The following PRKAA2 variants were observed in gnomAD, a reference collection of about 807,000 sequenced individuals.
PRKAA2 encodes the protein 5'-AMP-activated protein kinase catalytic subunit alpha-2.
In PRKAA2, 40 loss-of-function variants were observed where a neutral mutation model predicts 56.3. The observed-to-expected ratio is 0.71, with a 90% CI of 0.55 to 0.92. The LOEUF (loss-of-function observed/expected upper bound fraction) is 0.92. Ranked by LOEUF, PRKAA2 falls within the 40% of genes least tolerant of loss-of-function variation. The probability of loss-of-function intolerance (pLI) is 0.00; values close to 1 mark genes in which losing one functional copy is unlikely to be tolerated. For synonymous variants in PRKAA2, 214 were observed against 234.2 expected, an observed-to-expected ratio of 0.91 and a Z score of 0.79; for missense variants, 542 against 686.9, an observed-to-expected ratio of 0.79 and a Z score of 2.36.
chr1:56,687,578 C>T (rs1047740550), intron 2 of PRKAA2, among the ~76,000 whole-genome samples: 3 of 151,908 alleles, frequency 2.0e-5, no homozygotes, highest in African/African-American at 7.3e-5. Flanking sequence ...GCCTTTTTGT[C>T]TGAGTGATGG....
At position 56,707,407 on chromosome 1, in the gene PRKAA2, T is replaced by A. The variant is rs947517240; in HGVS notation, c.1421-68T>A. On this transcript the variant is annotated intron_variant, in intron 8 of 8. Transcript: ENST00000371244. The stretch of plus-strand genomic sequence containing the variant: ...TGTTTACTTAATATTCTGAATATCA[T>A]AAATTCATAGGAAGGGCTTGGGCAT... 8 of 1,299,914 alleles carry A rather than the reference T, an allele frequency of 6.2e-6. No individual in the cohort carries two copies. In the African/African-American group the frequency reaches 1.0e-4, roughly 17 times the overall value. 80.5% of individuals were successfully genotyped at this position (1,299,914 alleles called of 1,614,324 possible).
At chr1:56,692,599 C>T (rs1027456586) in intron 4 of PRKAA2, 97 bp downstream of exon 4, 18 of 1,246,474 alleles carry the variant, frequency 1.4e-5, no homozygotes, top group Non-Finnish European at 2.0e-5. Flanking sequence ...CTTGTACGTT[C>T]TGTACCATGA....
chr1:56,662,587 A>G (rs995348920), intron 1 of PRKAA2, among the ~76,000 whole-genome samples: 1 of 152,142 alleles, frequency 6.6e-6, no homozygotes, highest in Non-Finnish European at 1.5e-5. Flanking sequence ...ATGCCCGGCC[A>G]ACTTTATTTT....
chr1:56,688,003 G>A (rs928418112), intron 2 of PRKAA2, among the ~76,000 whole-genome samples: 1 of 152,018 alleles, frequency 6.6e-6, no homozygotes, highest in Admixed American at 6.6e-5. Flanking sequence ...GCTGTACTAG[G>A]AAAATAATAC....
intron 6 of PRKAA2, among the ~76,000 whole-genome samples, chr1:56,697,012 A>ATTTTTGTTTTTTTTTTT (rs1644262838): frequency 1.7e-5 from 1 of 57,870 alleles, no homozygotes; most frequent in Non-Finnish European, 3.0e-5. Context: ...CCAGCAAAGA[A>ATTTTTGTTTTTTTTTTT]TTTTTTTTTT....
At position 56,711,604 on chromosome 1, in the gene PRKAA2, C is replaced by T. The variant is rs1644369232; in HGVS notation, c.*3891C>T. The T allele has an allele frequency of 6.6e-6, 1 of 152,040 alleles. No homozygotes were observed. 9.4% of individuals were successfully genotyped at this position (152,040 alleles called of 1,614,324 possible). Reference sequence around the variant, plus strand: ...ATCTTGCATTTATTTACTTGGTTCTCCTGTGTCACCCTGTGGCTTTTTAAA... The same window carrying T: ...ATCTTGCATTTATTTACTTGGTTCTTCTGTGTCACCCTGTGGCTTTTTAAA... On this transcript the variant is annotated 3_prime_UTR_variant, in exon 9 of 9. Transcript: ENST00000371244.
At chr1:56,688,241 G>A (rs1411703157) in intron 2 of PRKAA2, among the ~76,000 whole-genome samples, 1 of 151,908 alleles carries the variant, frequency 6.6e-6, no homozygotes, top group East Asian at 1.9e-4. Context: ...GGGGACAAAG[G>A]GAAATTTTAT....
intron 1 of PRKAA2, among the ~76,000 whole-genome samples, chr1:56,658,722 C>T (rs114799249): frequency 0.032 from 4,840 of 151,540 alleles, 220 homozygotes; most frequent in African/African-American, 0.1. Context: ...AGTGATCCTC[C>T]GTGATCCTCC....
chr1:56,656,631 G>A (rs1341045627), intron 1 of PRKAA2, among the ~76,000 whole-genome samples: 1 of 152,140 alleles, frequency 6.6e-6, no homozygotes, highest in Non-Finnish European at 1.5e-5. Flanking sequence ...GCAAGAATGG[G>A]CTTATTTTAT....
At chr1:56,703,944 A>G (rs774726945) in intron 6 of PRKAA2, 27 bp from the exon 7 acceptor site, 22 of 1,563,924 alleles carry the variant, frequency 1.4e-5, no homozygotes, top group South Asian at 1.2e-4. Context: ...CATGTCTTAC[A>G]ATAATGTATT....
chr1:56,707,568 C>T lies in PRKAA2; in HGVS notation c.1514C>T (p.Thr505Ile). The T allele has an allele frequency of 1.2e-6, 2 of 1,614,136 alleles. No individual in the cohort carries two copies. Among genetic ancestry groups the T allele is most frequent in the East Asian group, 2.2e-5 (1 of 44,872 alleles). ...AGACCAAGATCAAGTTTTGATTCCA[C>T]AACTGCAGAGAGCCATTCACTTTCT... ...LHRPRSSFDS[T>I]TAESHSLSGS... The change falls in exon 9 of 9, where the codon ACA becomes ATA. Residue 505 changes from threonine (T) to isoleucine (I), a missense_variant. Physicochemically the swap from Thr to Ile is moderately conservative, Grantham distance 89. Transcript: ENST00000371244.
At position 56,656,500 on chromosome 1, in the gene PRKAA2, C is replaced by T. The variant is rs540395633; in HGVS notation, c.94+11019C>T. ...GACTACAAATGGACATGTTATACTCCCAAGAGACTACATTATTCACCATTT... is the reference window on the plus strand; with the variant it reads ...GACTACAAATGGACATGTTATACTCTCAAGAGACTACATTATTCACCATTT... On this transcript the variant is annotated intron_variant, in intron 1 of 8. Transcript: ENST00000371244. Among the ~76,000 whole-genome samples the T allele has an allele frequency of 2.6e-5, 4 of 152,202 alleles. No homozygotes were observed. In the South Asian group the frequency reaches 8.3e-4, roughly 32 times the overall value.
chr1:56,671,265 A>C (rs2100401627), intron 1 of PRKAA2, among the ~76,000 whole-genome samples: 1 of 152,322 alleles, frequency 6.6e-6, no homozygotes, highest in African/African-American at 2.4e-5. Flanking sequence ...TAGGCAAAAA[A>C]GGCTAAATCC....
At chr1:56,687,525 G>A (rs1485139427) in intron 2 of PRKAA2, among the ~76,000 whole-genome samples, 4 of 152,094 alleles carry the variant, frequency 2.6e-5, no homozygotes, top group South Asian at 2.1e-4. Context: ...TGGGGAAGGC[G>A]GATCCCTATA....
At chr1:56,655,280 A>ATATATATATTTTTTTTTTTTTTTTTTTTT in intron 1 of PRKAA2, among the ~76,000 whole-genome samples, 1 of 93,652 alleles carries the variant, frequency 1.1e-5, no homozygotes, top group African/African-American at 4.5e-5. Flanking sequence ...ATATATATAT[A>ATATATATATTTTTTTTTTTTTTTTTTTTT]TTTTTTTTTT....
chr1:56,695,721 A>G (rs1183968011), intron 5 of PRKAA2, among the ~76,000 whole-genome samples: 1 of 152,060 alleles, frequency 6.6e-6, no homozygotes, highest in African/African-American at 2.4e-5. Flanking sequence ...AAATAAAAAT[A>G]CCCTATTCAC....
rs1644346881 is a variant in PRKAA2 at position 56,708,398 on chromosome 1, G to T, written c.*685G>T. On this transcript the variant is annotated 3_prime_UTR_variant, in exon 9 of 9. Transcript: ENST00000371244. ...TCCCTGAATAATATATTTATCTTAA[G>T]AGCCTTCAAGTTTCAAATTAATATT... The T allele has an allele frequency of 6.6e-6, 1 of 152,130 alleles. No homozygotes were observed. Among genetic ancestry groups the T allele is most frequent in the South Asian group, 2.1e-4 (1 of 4,826 alleles). The allele number at this position is 152,130 out of a possible 1,614,324, so 9.4% of individuals were successfully genotyped here.
chr1:56,695,103 AC>A (rs1644249937), intron 5 of PRKAA2, among the ~76,000 whole-genome samples: 1 of 151,238 alleles, frequency 6.6e-6, no homozygotes, highest in South Asian at 2.1e-4. Context: ...ATAATGTGAT[AC>A]AGGATAAATA....
At chr1:56,695,858 C>A in intron 5 of PRKAA2, 77 bp from the exon 6 acceptor site, 1 of 1,206,010 alleles carries the variant, frequency 8.3e-7, no homozygotes. Context: ...ATGTAGACTA[C>A]CTATATATAG....
Sources: allele counts gnomAD v4.1 joint callset (sites outside exome capture counted in the v4.1 genomes callset), GRCh38; gene constraint gnomAD v4.1.1; transcripts MANE v1.5; gene names NCBI Gene and HGNC (gene_info 2026-07-23, HGNC 2026-07-21).